The following CCDC141 variants were observed in gnomAD, a reference collection of about 807,000 sequenced individuals.
The protein encoded by CCDC141 is coiled-coil domain-containing protein 141.
A neutral mutation model predicts 181.0 loss-of-function variants in CCDC141; 168 were observed. The observed-to-expected ratio is 0.93, with a 90% CI of 0.82 to 1.05. CCDC141 has a LOEUF of 1.05. Among genes scored for constraint, CCDC141 ranks in the 50% least tolerant of loss-of-function variants. The probability of loss-of-function intolerance (pLI) is 0.00; values close to 1 mark genes in which losing one functional copy is unlikely to be tolerated. For synonymous variants in CCDC141, 666 were observed against 642.3 expected (o/e 1.04, Z -0.56); for missense variants, 1,902 against 1,788.5 (o/e 1.06, Z -1.14).
intron 23 of CCDC141, chr2:178,836,431 T>C (rs1307444172): frequency 6.5e-6 from 1 of 153,592 alleles, no homozygotes. Context: ...GTTACAAAGA[T>C]GACACGTGTG....
At chr2:179,014,605 G>C (rs2042371531) in intron 2 of CCDC141, among the ~76,000 whole-genome samples, 1 of 151,906 alleles carries the variant, frequency 6.6e-6, no homozygotes, top group South Asian at 2.1e-4. Flanking sequence ...TCAAAAAGTA[G>C]GCTAAGGACA....
the CCDC141 span, chr2:178,817,634 G>A: frequency 8.6e-6 from 4 of 466,180 alleles, no homozygotes; most frequent in South Asian, 6.3e-5. Flanking sequence ...CTTCCTGGAG[G>A]TTGACAGGTC....
chr2:178,835,958 G>C (rs1329434999), intron 23 of CCDC141: 1 of 152,540 alleles, frequency 6.6e-6, no homozygotes, highest in Non-Finnish European at 1.5e-5. Flanking sequence ...TTAGATAACT[G>C]GTTCATATTT....
chr2:178,947,474 C>A (rs891616373), intron 5 of CCDC141, among the ~76,000 whole-genome samples: 3 of 152,164 alleles, frequency 2.0e-5, no homozygotes, highest in Non-Finnish European at 4.4e-5. Context: ...CCTTTCTTCC[C>A]AGTTTCTATC....
chr2:178,922,269 T>C (rs1247686892), intron 6 of CCDC141, among the ~76,000 whole-genome samples: 6 of 152,202 alleles, frequency 3.9e-5, no homozygotes, highest in African/African-American at 1.4e-4. Flanking sequence ...TGTTATTATC[T>C]TCATTTTACA....
intron 11 of CCDC141, among the ~76,000 whole-genome samples, chr2:178,879,688 A>G (rs1686507479): frequency 6.6e-6 from 1 of 152,194 alleles, no homozygotes; most frequent in African/African-American, 2.4e-5. Flanking sequence ...TTATGGGCAC[A>G]CTGAGGAGAG....
chr2:179,008,093 A>G (rs2042163981), intron 2 of CCDC141, among the ~76,000 whole-genome samples: 1 of 152,218 alleles, frequency 6.6e-6, no homozygotes, highest in African/African-American at 2.4e-5. Flanking sequence ...CCTAATTTTA[A>G]AATTAAAATG....
chr2:178,898,622 C>T (rs1687527087), intron 8 of CCDC141, among the ~76,000 whole-genome samples: 1 of 152,126 alleles, frequency 6.6e-6, no homozygotes, highest in Non-Finnish European at 1.5e-5. Context: ...GGCAAGAAAA[C>T]ATGTAAATAA....
chr2:178,940,984 T>G (rs1325419680), intron 6 of CCDC141, among the ~76,000 whole-genome samples: 1 of 152,214 alleles, frequency 6.6e-6, no homozygotes, highest in Non-Finnish European at 1.5e-5. Context: ...TCTCGTTGCT[T>G]CAGGAATCTC....
intron 19 of CCDC141, among the ~76,000 whole-genome samples, chr2:178,854,513 C>T (rs2154367481): frequency 6.6e-6 from 1 of 152,192 alleles, no homozygotes; most frequent in South Asian, 2.1e-4. Flanking sequence ...AACAGAGCGA[C>T]ACTCCATCTC....
At chr2:178,827,025 C>T (rs1183406516), downstream of CCDC141, among the ~76,000 whole-genome samples, 1 of 152,018 alleles carries the variant, frequency 6.6e-6, no homozygotes, top group Non-Finnish European at 1.5e-5. Flanking sequence ...CACTATTTTT[C>T]TACATCCCAC....
At chr2:178,934,112 C>T (rs2154376090) in intron 6 of CCDC141, among the ~76,000 whole-genome samples, 1 of 152,030 alleles carries the variant, frequency 6.6e-6, no homozygotes, top group South Asian at 2.1e-4. Flanking sequence ...TTTTTCAACA[C>T]CCCCCAGGTG....
chr2:178,983,445 A>C (rs1248160496), intron 2 of CCDC141, among the ~76,000 whole-genome samples: 1 of 152,204 alleles, frequency 6.6e-6, no homozygotes, highest in Non-Finnish European at 1.5e-5. Context: ...CTTACCAGCA[A>C]TGGAACAAAG....
chr2:178,927,727 G>T (rs1688962884), intron 6 of CCDC141, among the ~76,000 whole-genome samples: 1 of 152,130 alleles, frequency 6.6e-6, no homozygotes, highest in South Asian at 2.1e-4. Context: ...AGAAAAATGA[G>T]TTATTAAGAA....
intron 2 of CCDC141, among the ~76,000 whole-genome samples, chr2:178,987,914 T>C (rs1266228820): frequency 2.6e-5 from 4 of 151,038 alleles, no homozygotes; most frequent in Admixed American, 1.3e-4. Flanking sequence ...AGTGTGGAGA[T>C]TCCTCAGGGA....
chr2:178,871,196 T>C (rs1009938469), intron 14 of CCDC141, among the ~76,000 whole-genome samples: 3 of 152,194 alleles, frequency 2.0e-5, no homozygotes, highest in African/African-American at 7.2e-5. Flanking sequence ...AAATCTAATA[T>C]AAAAATCTAT....
intron 2 of CCDC141, among the ~76,000 whole-genome samples, chr2:178,992,999 G>T (rs961953821): frequency 2.6e-4 from 39 of 152,174 alleles, no homozygotes; most frequent in African/African-American, 8.9e-4. Flanking sequence ...ATGGTGAACT[G>T]TGAGTCAATT....
intron 6 of CCDC141, among the ~76,000 whole-genome samples, chr2:178,932,924 T>A (rs1321580043): frequency 6.6e-6 from 1 of 152,162 alleles, no homozygotes; most frequent in African/African-American, 2.4e-5. Context: ...AAATATTTTT[T>A]AACTTTAAAC....
Position 178,868,060 on chromosome 2 carries a change from A to C in CCDC141, c.2540T>G (p.Leu847Ter). ...VDHLHRLALS[L>*]GVDIISSVQR... ...CACTGATGAGATGATGTCGACTCCT[A>C]AGGAAAGGGCCAGTCTGTGGAGATG... Residue 847 changes from leucine (L) to a stop codon, truncating the protein, a stop_gained, in exon 16 of 24, where the codon TTA becomes TGA. Transcript: ENST00000443758. LOFTEE classifies it high-confidence loss of function. 6.2e-7 allele frequency: 1 copy of C among 1,613,944 alleles called. No homozygotes were observed. Among genetic ancestry groups the C allele is most frequent in the Non-Finnish European group, 8.5e-7 (1 of 1,179,868 alleles).
Sources: gnomAD v4.1 joint callset for allele counts (sites outside exome capture counted in the v4.1 genomes callset) on GRCh38, gnomAD v4.1.1 for gene constraint, MANE v1.5 for transcripts, NCBI Gene and HGNC (gene_info 2026-07-23, HGNC 2026-07-21) for gene names.